The following DLC1 variants were observed in gnomAD, a reference collection of about 807,000 sequenced individuals.
DLC1 encodes DLC1 Rho GTPase activating protein.
Under a neutral mutation model 140.3 loss-of-function variants are expected in DLC1, and 54 were observed. That is an observed-to-expected ratio of 0.38 (90% CI 0.31 to 0.48). The LOEUF (loss-of-function observed/expected upper bound fraction) is 0.48, where lower values mean the gene tolerates loss of function less well. Ranked by LOEUF, DLC1 falls within the 20% of genes least tolerant of loss-of-function variation. The pLI is 0.96. For missense variants in DLC1, 2,536 were observed against 1,907.0 expected, an observed-to-expected ratio of 1.33 and a Z score of -6.14; for synonymous variants, 986 against 728.1, an observed-to-expected ratio of 1.35 and a Z score of -5.70.
chr8:13,262,178 A>G (rs1830495004), intron 5 of DLC1, among the ~76,000 whole-genome samples: 1 of 152,210 alleles, frequency 6.6e-6, no homozygotes, highest in African/African-American at 2.4e-5. Context: ...GTTGTGACTG[A>G]ATATGTAAAT....
intron 2 of DLC1, among the ~76,000 whole-genome samples, chr8:13,412,110 A>G (rs1837806427): frequency 6.6e-6 from 1 of 152,236 alleles, no homozygotes; most frequent in Admixed American, 6.5e-5. Flanking sequence ...CAATGAATGA[A>G]GCAGTTATAA....
At chr8:13,336,587 C>A (rs1285586512) in intron 4 of DLC1, among the ~76,000 whole-genome samples, 1 of 152,130 alleles carries the variant, frequency 6.6e-6, no homozygotes, top group Non-Finnish European at 1.5e-5. Context: ...ATCATGGCAT[C>A]TATTGTGTGG....
upstream of DLC1, among the ~76,000 whole-genome samples, chr8:13,516,280 G>C (rs916492370): frequency 5.9e-5 from 9 of 152,158 alleles, no homozygotes; most frequent in African/African-American, 2.2e-4. Context: ...GTGATAAAAT[G>C]AGTAACATAT....
At chr8:13,542,711 T>G (rs1803526269) in intron 1 of DLC1, among the ~76,000 whole-genome samples, 1 of 152,178 alleles carries the variant, frequency 6.6e-6, no homozygotes, top group Non-Finnish European at 1.5e-5. Context: ...ACATAATTTT[T>G]GTTAAATTTA....
At chr8:13,198,142 T>G (rs974304786) in intron 5 of DLC1, among the ~76,000 whole-genome samples, 1 of 151,910 alleles carries the variant, frequency 6.6e-6, no homozygotes, top group Admixed American at 6.6e-5. Context: ...ATTGAAGAAA[T>G]CTCTTGGAAG....
At chr8:13,554,593 A>T (rs138671215) in intron 1 of DLC1, among the ~76,000 whole-genome samples, 1,552 of 152,166 alleles carry the variant, frequency 0.01, 30 homozygotes, top group African/African-American at 0.035. Flanking sequence ...TCTCATCCTT[A>T]ACTTTTCTTT....
chr8:13,252,612 A>G (rs908922185), intron 5 of DLC1, among the ~76,000 whole-genome samples: 6 of 152,222 alleles, frequency 3.9e-5, no homozygotes, highest in African/African-American at 7.2e-5. Context: ...ACTAGAAAGT[A>G]TCTAGAAGGG....
intron 5 of DLC1, among the ~76,000 whole-genome samples, chr8:13,292,324 C>T (rs967019344): frequency 6.6e-6 from 1 of 152,186 alleles, no homozygotes; most frequent in Non-Finnish European, 1.5e-5. Context: ...ATTCTATTGT[C>T]ATGGACCATC....
chr8:13,462,217 G>A (rs1259834967), intron 2 of DLC1, among the ~76,000 whole-genome samples: 1 of 151,934 alleles, frequency 6.6e-6, no homozygotes, highest in East Asian at 1.9e-4. Context: ...ACTCATTCAA[G>A]AAAATTTTTA....
At chr8:13,277,704 G>A (rs796232767) in intron 5 of DLC1, among the ~76,000 whole-genome samples, 58 of 150,302 alleles carry the variant, frequency 3.9e-4, no homozygotes, top group African/African-American at 1.4e-3. Context: ...TTTTTTTTCT[G>A]TCTAGCAAAT....
chr8:13,294,320 T>G (rs1449335922), intron 5 of DLC1, among the ~76,000 whole-genome samples: 1 of 152,148 alleles, frequency 6.6e-6, no homozygotes, highest in Non-Finnish European at 1.5e-5. Flanking sequence ...AAAAGATTGT[T>G]AAAAGCTGTT....
At chr8:13,190,461 C>G (rs957000311) in intron 5 of DLC1, among the ~76,000 whole-genome samples, 4 of 152,196 alleles carry the variant, frequency 2.6e-5, no homozygotes, top group Admixed American at 6.5e-5. Flanking sequence ...TTCTCTCTCT[C>G]TCTTTCTGGA....
Position 13,169,676 on chromosome 8 carries a change from T to C in DLC1, c.1349-54019A>G, listed in dbSNP as rs1825328807. 3.9e-5 allele frequency among the ~76,000 whole-genome samples: 6 copies of C among 152,332 alleles called. No homozygotes were observed. In the South Asian group the frequency reaches 1.2e-3, roughly 32 times the overall value. ...GTGGTCTAAATCAGGACTTTGTTTT[T>C]TAAAAAGTCTGCAGGTGTTATTGCC... On this transcript the variant is annotated intron_variant, in intron 5 of 17. Coordinates refer to ENST00000276297, the MANE Select transcript of DLC1 (RefSeq NM_182643.3).
chr8:13,183,136 G>A (rs1040232919), intron 5 of DLC1, among the ~76,000 whole-genome samples: 2 of 152,058 alleles, frequency 1.3e-5, no homozygotes, highest in Admixed American at 1.3e-4. Flanking sequence ...TGGTGTATAG[G>A]AATGCTTGTG....
chr8:13,549,316 TAA>T (rs1293852911), intron 1 of DLC1, among the ~76,000 whole-genome samples: 3 of 152,048 alleles, frequency 2.0e-5, no homozygotes, highest in African/African-American at 7.2e-5. Context: ...CTTAATACTT[TAA>T]AAAAAGTATT....
intron 4 of DLC1, among the ~76,000 whole-genome samples, chr8:13,336,946 T>C (rs1833833807): frequency 6.6e-6 from 1 of 152,212 alleles, no homozygotes; most frequent in Middle Eastern, 3.4e-3. Flanking sequence ...GTAAATGACT[T>C]ACTAATAGTT....
chr8:13,086,387 C>T lies in DLC1; in HGVS notation c.4369G>A (p.Val1457Met). The T allele has an allele frequency of 1.2e-6, 2 of 1,614,246 alleles. No individual in the cohort carries two copies. Among genetic ancestry groups the T allele is most frequent in the Non-Finnish European group, 1.7e-6 (2 of 1,180,056 alleles). ...AAGAGCACATTAACCCTCACACCCA[C>T]CACAGGTGCGCGATCGTGATCCACA... ...TSVDHDRAPV[V>M]GVRVNVLLSR... Residue 1457 changes from valine (V) to methionine (M), a missense_variant, in exon 17 of 18, where the codon GTG becomes ATG. Coordinates refer to ENST00000276297, the MANE Select transcript of DLC1 (RefSeq NM_182643.3).
At chr8:13,349,321 G>A (rs1417503926) in intron 4 of DLC1, among the ~76,000 whole-genome samples, 1 of 152,006 alleles carries the variant, frequency 6.6e-6, no homozygotes, top group Non-Finnish European at 1.5e-5. Context: ...AGGTCCTTCT[G>A]GTTAGAAATC....
intron 2 of DLC1, among the ~76,000 whole-genome samples, chr8:13,414,362 A>G (rs1045909171): frequency 2.0e-5 from 3 of 152,200 alleles, no homozygotes; most frequent in Admixed American, 1.3e-4. Flanking sequence ...TGCCAGTACA[A>G]CTAATGCACA....
Sources: gnomAD v4.1 joint callset for allele counts (sites outside exome capture counted in the v4.1 genomes callset) on GRCh38, gnomAD v4.1.1 for gene constraint, MANE v1.5 for transcripts, NCBI Gene and HGNC (gene_info 2026-07-23, HGNC 2026-07-21) for gene names.